CLSTN1: variants seen among roughly 807,000 people sequenced by gnomAD.
CLSTN1 encodes the protein calsyntenin 1, also known as calsyntenin-1.
In CLSTN1, 28 loss-of-function variants were observed where a neutral mutation model predicts 108.3. That is an observed-to-expected ratio of 0.26 (90% CI 0.19 to 0.35). The LOEUF is 0.35. Among genes scored for constraint, CLSTN1 ranks in the 10% least tolerant of loss-of-function variants. The pLI is 1.00. For missense variants in CLSTN1, 1,157 were observed against 1,302.6 expected, an observed-to-expected ratio of 0.89 and a Z score of 1.72; for synonymous variants, 524 against 534.9, an observed-to-expected ratio of 0.98 and a Z score of 0.28.
intron 1 of CLSTN1, among the ~76,000 whole-genome samples, chr1:9,795,674 C>T (rs1217159188): frequency 6.6e-6 from 1 of 151,346 alleles, no homozygotes; most frequent in African/African-American, 2.4e-5. Context: ...AGGACACTGG[C>T]TGGGTGCGGT....
rs928369792 is a variant in CLSTN1 at position 9,729,347 on chromosome 1, T to C, written c.*1161A>G. ...GGGTTTTAGACCATGACTGTTTGTT[T>C]GCTCTCCTGCCCTACCACCAAGCAA... On this transcript the variant is annotated 3_prime_UTR_variant, in exon 19 of 19. Transcript: ENST00000377298. 3 of 152,576 alleles carry C rather than the reference T, an allele frequency of 2.0e-5. No homozygotes were observed. Among genetic ancestry groups the C allele is most frequent in the Non-Finnish European group, 4.4e-5 (3 of 68,042 alleles). 9.5% of individuals were successfully genotyped at this position (152,576 alleles called of 1,614,324 possible).
chr1:9,817,476 C>T (rs892187052), intron 1 of CLSTN1, among the ~76,000 whole-genome samples: 8 of 151,694 alleles, frequency 5.3e-5, no homozygotes, highest in Admixed American at 3.9e-4. Context: ...TACAGGCATG[C>T]GCCACCACAC....
chr1:9,818,424 G>A (rs1655063681), intron 1 of CLSTN1, among the ~76,000 whole-genome samples: 1 of 151,426 alleles, frequency 6.6e-6, no homozygotes, highest in Non-Finnish European at 1.5e-5. Flanking sequence ...CGCCTCCCGA[G>A]TTCAAGCAAT....
intron 1 of CLSTN1, among the ~76,000 whole-genome samples, chr1:9,803,192 G>A (rs371548676): frequency 1.3e-5 from 2 of 152,140 alleles, no homozygotes; most frequent in African/African-American, 4.8e-5. Flanking sequence ...GGGAAGGCAC[G>A]CTGCCAGATT....
chr1:9,811,155 A>G (rs1487622799), intron 1 of CLSTN1, among the ~76,000 whole-genome samples: 2 of 152,242 alleles, frequency 1.3e-5, no homozygotes, highest in Non-Finnish European at 2.9e-5. Context: ...TTTCATTCAA[A>G]CAAACAGTAA....
Position 9,758,006 on chromosome 1 carries a change from G to T in CLSTN1, c.215-1496C>A, listed in dbSNP as rs116383848. 9.9e-5 allele frequency among the ~76,000 whole-genome samples: 15 copies of T among 151,544 alleles called. No individual in the cohort carries two copies. In the East Asian group the frequency reaches 1.2e-3, roughly 12 times the overall value. On this transcript the variant is annotated intron_variant, in intron 2 of 18. Transcript: ENST00000377298. Reference sequence around the variant, plus strand: ...TGCAGTTTTTTGTTTGTTTGTTTTGGGGGGGGGTGGGAACGGAGTTTCACT... The same window carrying T: ...TGCAGTTTTTTGTTTGTTTGTTTTGTGGGGGGGTGGGAACGGAGTTTCACT...
At chr1:9,821,308 T>C (rs1187732465) in intron 1 of CLSTN1, among the ~76,000 whole-genome samples, 2 of 152,148 alleles carry the variant, frequency 1.3e-5, no homozygotes, top group Non-Finnish European at 2.9e-5. Context: ...AATTTTTATA[T>C]AGTTAGCAGA....
At position 9,788,940 on chromosome 1, in the gene CLSTN1, C is replaced by T. The variant is rs190584392; in HGVS notation, c.92-15546G>A. On this transcript the variant is annotated intron_variant, in intron 1 of 18. Transcript: ENST00000377298. ...CTCATATGAGTGGGATCACACCACA[C>T]TTATCCTTTTGTAACTGGCTTCATT... is the stretch of plus-strand genomic sequence containing the variant. Among the ~76,000 whole-genome samples the T allele has an allele frequency of 8.4e-4, 127 of 150,910 alleles. 1 individual carries two copies. Among genetic ancestry groups the T allele is most frequent in the African/African-American group, 2.7e-3 (110 of 41,336 alleles).
At chr1:9,757,701 T>C (rs1028642671) in intron 2 of CLSTN1, among the ~76,000 whole-genome samples, 2 of 152,218 alleles carry the variant, frequency 1.3e-5, no homozygotes, top group African/African-American at 2.4e-5. Context: ...GTAGGGATGC[T>C]ACAACAGTCA....
At chr1:9,819,684 G>A (rs1039824518) in intron 1 of CLSTN1, among the ~76,000 whole-genome samples, 2 of 152,212 alleles carry the variant, frequency 1.3e-5, no homozygotes, top group South Asian at 2.1e-4. Flanking sequence ...CCAGTTAACC[G>A]AGTGAATGCT....
chr1:9,820,774 A>T (rs1570533941), intron 1 of CLSTN1, among the ~76,000 whole-genome samples: 1 of 152,160 alleles, frequency 6.6e-6, no homozygotes, highest in Non-Finnish European at 1.5e-5. Context: ...CTGAGGGGAA[A>T]CAGACGATAA....
rs1454563081 is a variant in CLSTN1, at chr1:9,734,589, A to AG, written c.2110+358dup. ...GACTCCATCTCAAAAAAAAAAAAAA[A>AG]GGGGGGGAGTTTCATGTGTCCTGAG... On this transcript the variant is annotated intron_variant, in intron 14 of 18. Coordinates refer to ENST00000377298, the MANE Select transcript of CLSTN1 (RefSeq NM_001009566.3). The surrounding 1 kb of genome is among the most constrained non-coding windows in gnomAD (Gnocchi z 4.8). 7.4e-4 allele frequency among the ~76,000 whole-genome samples: 111 copies of AG among 149,208 alleles called. No homozygotes were observed. The highest frequency in any genetic ancestry group is 2.2e-3 in the African/African-American group (88 of 40,674).
intron 1 of CLSTN1, among the ~76,000 whole-genome samples, chr1:9,804,111 C>G (rs535813567): frequency 6.6e-6 from 1 of 151,854 alleles, no homozygotes; most frequent in African/African-American, 2.4e-5. Context: ...GCCTGTAATC[C>G]CAGCACTTTG....
At chr1:9,742,177 TTGAC>T (rs1163920382) in intron 9 of CLSTN1, among the ~76,000 whole-genome samples, 2 of 152,214 alleles carry the variant, frequency 1.3e-5, no homozygotes, top group South Asian at 4.1e-4. Context: ...AATCTGAACA[TTGAC>T]TGGCTATTTG....
At chr1:9,754,521 T>A (rs1279651917) in intron 4 of CLSTN1, among the ~76,000 whole-genome samples, 2 of 151,856 alleles carry the variant, frequency 1.3e-5, no homozygotes, top group Admixed American at 1.3e-4. Context: ...ATCGTGCCAC[T>A]ACACTCCAGC....
chr1:9,746,041 T>C (rs1430109682), intron 7 of CLSTN1, among the ~76,000 whole-genome samples: 1 of 152,056 alleles, frequency 6.6e-6, no homozygotes, highest in Non-Finnish European at 1.5e-5. Context: ...GTGCTGGGAT[T>C]ATAGGTGTGA....
chr1:9,819,711 T>C (rs1655120071), intron 1 of CLSTN1, among the ~76,000 whole-genome samples: 1 of 152,214 alleles, frequency 6.6e-6, no homozygotes, highest in Admixed American at 6.5e-5. Context: ...TTGGAATATA[T>C]TCAAAATTGT....
Position 9,737,512 on chromosome 1 carries a change from G to A in CLSTN1, c.1562C>T (p.Thr521Ile). 2 of 1,614,028 alleles carry A rather than the reference G, an allele frequency of 1.2e-6. No individual in the cohort carries two copies. The highest frequency in any genetic ancestry group is 1.1e-5 in the South Asian group (1 of 91,084). The change falls in exon 11 of 19, where the codon ACT becomes ATT. Residue 521 changes from threonine to isoleucine, a missense_variant. Transcript: ENST00000377298. ...VENDNETEPVTVASAGGDLHM... is the reference protein window; with the variant it reads ...VENDNETEPVIVASAGGDLHM... ...AATCCAGCAACCTGCAGAGGCCACAGTCACAGGCTCAGTTTCATTGTCATT... is the reference window on the plus strand; with the variant it reads ...AATCCAGCAACCTGCAGAGGCCACAATCACAGGCTCAGTTTCATTGTCATT...
chr1:9,780,151 G>A (rs946670265), intron 1 of CLSTN1, among the ~76,000 whole-genome samples: 9 of 152,076 alleles, frequency 5.9e-5, no homozygotes, highest in African/African-American at 1.9e-4. Context: ...CACGGCATCC[G>A]GCCTCCAATC....
Sources: gnomAD v4.1 joint callset for allele counts (sites outside exome capture counted in the v4.1 genomes callset) on GRCh38, gnomAD v4.1.1 for gene constraint, Gnocchi (gnomAD v3.1) non-coding constraint, MANE v1.5 for transcripts, NCBI Gene and HGNC (gene_info 2026-07-23, HGNC 2026-07-21) for gene names.